The following CSNK2A2IP variants were observed in gnomAD, a reference collection of about 807,000 sequenced individuals.
CSNK2A2IP encodes casein kinase 2 subunit alpha' interacting protein, also known as casein kinase II subunit alpha'-interacting protein.
the CSNK2A2IP span, among the ~76,000 whole-genome samples, chr3:88,421,800 A>T: frequency 6.6e-6 from 1 of 152,172 alleles, no homozygotes; most frequent in African/African-American, 2.4e-5. Flanking sequence ...CCAACACAGC[A>T]CAGCTCCCAA....
At chr3:88,397,677 A>C in the CSNK2A2IP span, among the ~76,000 whole-genome samples, 2 of 152,132 alleles carry the variant, frequency 1.3e-5, no homozygotes, top group African/African-American at 4.8e-5. Flanking sequence ...ATATTCATAA[A>C]ATATTAAAAT....
the CSNK2A2IP span, among the ~76,000 whole-genome samples, chr3:88,419,314 T>C: frequency 6.6e-6 from 1 of 152,186 alleles, no homozygotes; most frequent in Admixed American, 6.5e-5. Flanking sequence ...TTTGTGTCCA[T>C]GTGTACTCAA....
chr3:88,398,356 A>G, the CSNK2A2IP span, among the ~76,000 whole-genome samples: 7 of 152,266 alleles, frequency 4.6e-5, no homozygotes, highest in East Asian at 1.3e-3. Context: ...TGAACAAGAA[A>G]GAAAAATATA....
chr3:88,404,774 C>T, the CSNK2A2IP span, among the ~76,000 whole-genome samples: 1 of 124,430 alleles, frequency 8.0e-6, no homozygotes, highest in African/African-American at 2.6e-5. Context: ...AACATCACCG[C>T]TCTCTGCCTT....
At chr3:88,384,680 A>G in the CSNK2A2IP span, among the ~76,000 whole-genome samples, 10 of 152,322 alleles carry the variant, frequency 6.6e-5, no homozygotes, top group Non-Finnish European at 1.3e-4. Flanking sequence ...TTTTGTGGCT[A>G]TAGAAAATGG....
chr3:88,355,690 G>T, the CSNK2A2IP span, among the ~76,000 whole-genome samples: 1 of 151,960 alleles, frequency 6.6e-6, no homozygotes, highest in Non-Finnish European at 1.5e-5. Context: ...GAATTTCCAG[G>T]GATCTTTCTC....
chr3:88,370,573 T>A, the CSNK2A2IP span, among the ~76,000 whole-genome samples: 1 of 145,088 alleles, frequency 6.9e-6, no homozygotes, highest in Admixed American at 6.9e-5. Context: ...CCTTCCTTCC[T>A]TTCTTTCTCT....
At chr3:88,338,598 ACAGCTATAGGGATGAGAAGGACATTTCAG>A in the CSNK2A2IP span, 1 of 152,194 alleles carries the variant, frequency 6.6e-6, no homozygotes, top group Non-Finnish European at 1.5e-5. Context: ...AGGAATCACT[ACAGCTATAGGGATGAGAAGGACATTTCAG>A]CAGCTAGAGT....
the CSNK2A2IP span, among the ~76,000 whole-genome samples, chr3:88,340,204 T>A: frequency 6.6e-6 from 1 of 151,966 alleles, no homozygotes; most frequent in Non-Finnish European, 1.5e-5. Context: ...AGGTGTATAT[T>A]CTGAGTCTTA....
At chr3:88,353,576 A>G in the CSNK2A2IP span, among the ~76,000 whole-genome samples, 1 of 152,202 alleles carries the variant, frequency 6.6e-6, no homozygotes. Flanking sequence ...GTAGGATGAG[A>G]GTATTAAACT....
chr3:88,462,439 G>T, the CSNK2A2IP span, among the ~76,000 whole-genome samples: 439 of 152,292 alleles, frequency 2.9e-3, 2 homozygotes, highest in African/African-American at 9.9e-3. Context: ...AGGAAAATAT[G>T]TGAGTGAGCA....
chr3:88,392,868 T>C, the CSNK2A2IP span, among the ~76,000 whole-genome samples: 9 of 152,166 alleles, frequency 5.9e-5, no homozygotes, highest in South Asian at 2.1e-4. Context: ...TAGGGCAATA[T>C]GAACACACTT....
At chr3:88,388,247 T>C in the CSNK2A2IP span, among the ~76,000 whole-genome samples, 1 of 152,212 alleles carries the variant, frequency 6.6e-6, no homozygotes, top group African/African-American at 2.4e-5. Context: ...CATACTATTA[T>C]TGTCTTACAT....
At chr3:88,422,956 A>T in the CSNK2A2IP span, among the ~76,000 whole-genome samples, 1 of 152,224 alleles carries the variant, frequency 6.6e-6, no homozygotes, top group Non-Finnish European at 1.5e-5. Context: ...TTCTGAAAAA[A>T]TGAATTTTGA....
the CSNK2A2IP span, among the ~76,000 whole-genome samples, chr3:88,390,075 G>T: frequency 6.6e-6 from 1 of 152,076 alleles, no homozygotes; most frequent in Admixed American, 6.6e-5. Context: ...GGACTTTAGA[G>T]CCCCTTCATC....
the CSNK2A2IP span, among the ~76,000 whole-genome samples, chr3:88,408,050 A>T: frequency 6.6e-6 from 1 of 152,190 alleles, no homozygotes; most frequent in Non-Finnish European, 1.5e-5. Flanking sequence ...ATATGTAATA[A>T]ATTAATTTTA....
chr3:88,424,419 C>A, the CSNK2A2IP span, among the ~76,000 whole-genome samples: 4 of 152,024 alleles, frequency 2.6e-5, no homozygotes, highest in African/African-American at 9.7e-5. Flanking sequence ...ATATTTTATT[C>A]TTTATGAAGG....
the CSNK2A2IP span, among the ~76,000 whole-genome samples, chr3:88,409,098 C>T: frequency 9.9e-5 from 15 of 152,122 alleles, no homozygotes; most frequent in East Asian, 3.9e-4. Context: ...TGATCCCCTT[C>T]GGTGTCAAGT....
chr3:88,351,074 A>G, the CSNK2A2IP span, among the ~76,000 whole-genome samples: 4 of 152,196 alleles, frequency 2.6e-5, no homozygotes, highest in Admixed American at 6.6e-5. Context: ...ACACTGATGA[A>G]TTAGAAACGA....
Sources: gnomAD v4.1 joint callset for allele counts (sites outside exome capture counted in the v4.1 genomes callset) on GRCh38, gnomAD v4.1.1 for gene constraint, MANE v1.5 for transcripts, NCBI Gene and HGNC (gene_info 2026-07-23, HGNC 2026-07-21) for gene names.